MAGT1: variants seen among roughly 807,000 people sequenced by gnomAD.
MAGT1 encodes the protein magnesium transporter 1.
A neutral mutation model predicts 28.4 loss-of-function variants in MAGT1; 4 were observed. That is an observed-to-expected ratio of 0.14 (90% CI 0.07 to 0.32). The LOEUF (loss-of-function observed/expected upper bound fraction) is 0.32, where lower values mean the gene tolerates loss of function less well. Among genes scored for constraint, MAGT1 ranks in the 10% least tolerant of loss-of-function variants. The pLI is 1.00. For missense variants in MAGT1, 193 were observed against 264.5 expected, an observed-to-expected ratio of 0.73 and a Z score of 1.88; for synonymous variants, 89 against 89.7, an observed-to-expected ratio of 0.99 and a Z score of 0.04.
At chrX:77,876,751 A>G (rs904934286) in intron 1 of MAGT1, among the ~76,000 whole-genome samples, 3 of 111,909 alleles carry the variant, frequency 2.7e-5, no homozygotes, top group Non-Finnish European at 5.6e-5. Context: ...ATGGTGACTC[A>G]CGCCTGTAAT....
chrX:77,839,486 G>A (rs1176055469), intron 8 of MAGT1, among the ~76,000 whole-genome samples: 1 of 97,863 alleles, frequency 1.0e-5, no homozygotes, highest in African/African-American at 3.6e-5. Context: ...TGGGATAACA[G>A]GCATGCGCCA....
rs2076886122 is a variant in MAGT1 at position 77,827,543 on chromosome X, G to A, written c.*1677C>T. 1 of 107,238 alleles carries A rather than the reference G, an allele frequency of 9.3e-6. No homozygotes were observed. Among genetic ancestry groups the A allele is most frequent in the Non-Finnish European group, 1.9e-5 (1 of 52,111 alleles). 8.8% of individuals were successfully genotyped at this position (107,238 alleles called of 1,213,427 possible). A position where few individuals can be genotyped will look rare whatever the true frequency, so the allele number is the denominator to read the frequency against. ...TGAAACCTCCATCTCCTGAGTTCAA[G>A]TGATTCTCGTGCCTCAGCCTCCTGT... On this transcript the variant is annotated 3_prime_UTR_variant, in exon 10 of 10. Coordinates refer to ENST00000618282, the MANE Select transcript of MAGT1 (RefSeq NM_001367916.1).
chrX:77,895,539 A>C (rs1557219881), upstream of MAGT1: 1 of 1,105,106 alleles, frequency 9.0e-7, no homozygotes, highest in African/African-American at 1.8e-5. Context: ...GAGACCCCTC[A>C]CATTACGTCA....
At position 77,840,258 on chromosome X, in the gene MAGT1, G is replaced by GA. The variant is rs781887603; in HGVS notation, c.901+987dup. On this transcript the variant is annotated intron_variant, in intron 8 of 9. Coordinates refer to ENST00000618282, the MANE Select transcript of MAGT1 (RefSeq NM_001367916.1). ...CTACTAAAAATACAAAAAAAAAAAA[G>GA]AAAAAAAAAACCCCAAAAAACAAAA... is the stretch of plus-strand genomic sequence containing the variant. 8.8e-4 allele frequency among the ~76,000 whole-genome samples: 83 copies of GA among 93,945 alleles called. 1 individual carries two copies. The highest frequency in any genetic ancestry group is 2.6e-3 in the South Asian group (5 of 1,892). The allele number at this position is 93,945 out of a possible 115,157, so 81.6% of individuals were successfully genotyped here.
intron 7 of MAGT1, among the ~76,000 whole-genome samples, chrX:77,847,383 G>A (rs1325926138): frequency 8.9e-6 from 1 of 112,147 alleles, no homozygotes; most frequent in Non-Finnish European, 1.9e-5. Flanking sequence ...GCGCTTCCCG[G>A]GTGGGGCGAT....
intron 7 of MAGT1, among the ~76,000 whole-genome samples, chrX:77,850,650 AAC>A (rs782161622): frequency 7.0e-4 from 78 of 111,017 alleles, no homozygotes; most frequent in African/African-American, 2.4e-3. Context: ...CTAATAACCA[AAC>A]ACAAGACATT....
Position 77,895,356 on chromosome X carries a change from G to C in MAGT1, c.55C>G (p.Leu19Val). The change falls in exon 1 of 10, where the codon CTC becomes GTC. Residue 19 changes from leucine (L) to valine (V), a missense_variant. By Grantham distance (32) the Leu-to-Val change is conservative. Coordinates refer to ENST00000618282, the MANE Select transcript of MAGT1 (RefSeq NM_001367916.1). ...CVSVTMVVALLIVCDVPSASA... is the reference protein window; with the variant it reads ...CVSVTMVVALVIVCDVPSASA... ...GCTGAGGGAACGTCGCAAACGATGA[G>C]CAGCGCCACCACCATGGTCACAGAG... 1 of 1,212,106 alleles carries C rather than the reference G, an allele frequency of 8.3e-7. No individual in the cohort carries two copies. The highest frequency in any genetic ancestry group is 1.8e-5 in the South Asian group (1 of 57,026).
chrX:77,827,507 T>A lies in MAGT1; in HGVS notation c.*1713A>T, dbSNP rs1252407367. ...GCCAGGCTGGAGTGCAGTGGTGTGA[T>A]CTTGGCTCACTGAAACCTCCATCTC... On this transcript the variant is annotated 3_prime_UTR_variant, in exon 10 of 10. Transcript: ENST00000618282. The A allele has an allele frequency of 9.4e-6, 1 of 106,909 alleles. No homozygotes were observed. The highest frequency in any genetic ancestry group is 2.9e-4 in the East Asian group (1 of 3,410). 8.8% of individuals were successfully genotyped at this position (106,909 alleles called of 1,213,427 possible).
At chrX:77,839,413 G>A (rs782712616) in intron 8 of MAGT1, among the ~76,000 whole-genome samples, 113 of 104,016 alleles carry the variant, frequency 1.1e-3, no homozygotes, top group Non-Finnish European at 1.4e-3. Flanking sequence ...GCACGATCTC[G>A]GCTCACTGCA....
chrX:77,848,573 G>GA (rs1319568466), intron 7 of MAGT1, among the ~76,000 whole-genome samples: 3 of 111,351 alleles, frequency 2.7e-5, no homozygotes, highest in African/African-American at 9.8e-5. Context: ...ATACAACATA[G>GA]AAAATGCTTA....
chrX:77,858,193 T>G (rs1389684054), intron 3 of MAGT1, among the ~76,000 whole-genome samples: 1 of 111,328 alleles, frequency 9.0e-6, no homozygotes, highest in African/African-American at 3.3e-5. Context: ...TTTTATTTAT[T>G]TATTTGTTTA....
In MAGT1 at chrX:77,873,282, T is replaced by A. The variant is rs192504937; in HGVS notation, c.272+2146A>T. Among the ~76,000 whole-genome samples, 39 of 112,162 alleles carry A rather than the reference T, an allele frequency of 3.5e-4. No individual in the cohort carries two copies. In the East Asian group the frequency reaches 5.8e-3, roughly 17 times the overall value. ...GGAGAAAATCGTTAAAGAAAAGTTA[T>A]CAAGGCTTGGGGTGGCAGAACACAC... On this transcript the variant is annotated intron_variant, in intron 2 of 9. Coordinates refer to ENST00000618282, the MANE Select transcript of MAGT1 (RefSeq NM_001367916.1).
At chrX:77,895,252 C>A in intron 1 of MAGT1, 57 bp downstream of exon 1, 3 of 1,155,129 alleles carry the variant, frequency 2.6e-6, no homozygotes, top group Non-Finnish European at 3.5e-6. Context: ...GGCGAACAGA[C>A]CCTCTTAAGC....
chrX:77,848,571 T>C (rs935997303), intron 7 of MAGT1, among the ~76,000 whole-genome samples: 1 of 111,871 alleles, frequency 8.9e-6, no homozygotes, highest in African/African-American at 3.2e-5. Context: ...CCATACAACA[T>C]AGAAAATGCT....
chrX:77,853,879 A>C, intron 7 of MAGT1, 22 bp downstream of exon 7: 1 of 1,165,753 alleles, frequency 8.6e-7, no homozygotes. Flanking sequence ...TACAGCAAGA[A>C]AGACTTATTG....
Position 77,829,019 on chromosome X carries a change from ATT to A in MAGT1, c.*199_*200del, listed in dbSNP as rs782130386. ...GGAAGAGAAGGTTAAGAGGATAATT[ATT>A]TTCAAATACCTCAGATTTTGACAGA... On this transcript the variant is annotated 3_prime_UTR_variant, in exon 10 of 10. Transcript: ENST00000618282. 4 of 402,235 alleles carry A rather than the reference ATT, an allele frequency of 9.9e-6. No homozygotes were observed. The South Asian group carries it at 1.9e-4, about 19-fold the overall frequency. 33.1% of individuals were successfully genotyped at this position (402,235 alleles called of 1,213,427 possible).
chrX:77,834,256 ATGTGTGTATATATG>A (rs2076908644), intron 8 of MAGT1, among the ~76,000 whole-genome samples: 1 of 57,855 alleles, frequency 1.7e-5, no homozygotes, highest in Non-Finnish European at 4.4e-5. Flanking sequence ...ATATATATAC[ATGTGTGTATATATG>A]CATATATGTA....
At chrX:77,845,122 G>T (rs1412352541) in intron 7 of MAGT1, among the ~76,000 whole-genome samples, 1 of 111,387 alleles carries the variant, frequency 9.0e-6, no homozygotes, top group Non-Finnish European at 1.9e-5. Context: ...ATGAATCTGG[G>T]TGCTCCTGTA....
At chrX:77,883,675 C>T (rs1260330328) in intron 1 of MAGT1, among the ~76,000 whole-genome samples, 5 of 104,027 alleles carry the variant, frequency 4.8e-5, no homozygotes, top group Non-Finnish European at 7.8e-5. Flanking sequence ...TCTCCCACCT[C>T]GGCTTCCTGA....
Sources: allele counts gnomAD v4.1 joint callset (sites outside exome capture counted in the v4.1 genomes callset), GRCh38; gene constraint gnomAD v4.1.1; transcripts MANE v1.5; gene names NCBI Gene and HGNC (gene_info 2026-07-23, HGNC 2026-07-21).